Variants in ANGPT1 observed in about 807,000 individuals in gnomAD.
The protein encoded by ANGPT1 is angiopoietin 1.
ANGPT1 carries 17 observed loss-of-function variants against 62.2 expected under a neutral mutation model. The observed-to-expected ratio is 0.27, with a 90% CI of 0.19 to 0.41. The LOEUF is 0.41. Ranked by LOEUF, ANGPT1 falls within the 10% of genes least tolerant of loss-of-function variation. The pLI is 1.00. For missense variants in ANGPT1, 478 were observed against 594.9 expected, an observed-to-expected ratio of 0.80 and a Z score of 2.04; for synonymous variants, 199 against 198.9, an observed-to-expected ratio of 1.00 and a Z score of 0.00.
At chr8:107,299,164 G>A (rs901620265) in intron 5 of ANGPT1, among the ~76,000 whole-genome samples, 1 of 151,116 alleles carries the variant, frequency 6.6e-6, no homozygotes, top group Non-Finnish European at 1.5e-5. Flanking sequence ...GGGGCAACAG[G>A]TTCATATTTA....
intron 5 of ANGPT1, 25 bp from the exon 6 acceptor site, chr8:107,294,062 G>C (rs1316034786): frequency 6.4e-7 from 1 of 1,563,532 alleles, no homozygotes; most frequent in East Asian, 2.3e-5. Context: ...ACAAAGTCAA[G>C]TAAAAAATAC....
chr8:107,295,875 A>G (rs1814401808), intron 5 of ANGPT1, among the ~76,000 whole-genome samples: 1 of 152,052 alleles, frequency 6.6e-6, no homozygotes, highest in African/African-American at 2.4e-5. Context: ...TAATATAAAC[A>G]CCTTACATGC....
rs888459370 is a variant in ANGPT1 at position 107,250,798 on chromosome 8, T to C, written c.*1057A>G. ...TAGCAAAATTTAAATTAGCAAGACA[T>C]AACAGGGTGAGTATTGGAGTTCTAA... On this transcript the variant is annotated 3_prime_UTR_variant, in exon 9 of 9. Transcript: ENST00000517746. 6.6e-6 allele frequency: 1 copy of C among 152,074 alleles called. No individual in the cohort carries two copies. Among genetic ancestry groups the C allele is most frequent in the Non-Finnish European group, 1.5e-5 (1 of 67,970 alleles). 9.4% of individuals were successfully genotyped at this position (152,074 alleles called of 1,614,324 possible). A position where few individuals can be genotyped will look rare whatever the true frequency, so the allele number is the denominator to read the frequency against.
In ANGPT1 at chr8:107,464,750, T is replaced by C. The variant is rs1812158754; in HGVS notation, c.297+32512A>G. Reference sequence around the variant, plus strand: ...TAAGGATCAACTGAGTGAATACAAGTGAAGCTCATACATGGAACTTGGAGT... The same window carrying C: ...TAAGGATCAACTGAGTGAATACAAGCGAAGCTCATACATGGAACTTGGAGT... On this transcript the variant is annotated intron_variant, in intron 1 of 8. Transcript: ENST00000517746. Among the ~76,000 whole-genome samples the C allele has an allele frequency of 1.3e-5, 2 of 152,134 alleles. 1 individual carries two copies. The highest frequency in any genetic ancestry group is 2.9e-5 in the Non-Finnish European group (2 of 68,018).
Position 107,264,364 on chromosome 8 carries a change from A to C in ANGPT1, c.1206-13T>G. The C allele has an allele frequency of 1.2e-6, 2 of 1,609,890 alleles. No individual in the cohort carries two copies. Among genetic ancestry groups the C allele is most frequent in the South Asian group, 2.2e-5 (2 of 90,082 alleles). ...TTTTAAATACAACCTGAAGTCAAAAAGAAAAAAAAGAAAGATAAGCCATTC... is the reference window on the plus strand; with the variant it reads ...TTTTAAATACAACCTGAAGTCAAAACGAAAAAAAAGAAAGATAAGCCATTC... On this transcript the variant is annotated splice_polypyrimidine_tract_variant and intron_variant, in intron 7 of 8. Transcript: ENST00000517746.
intron 1 of ANGPT1, among the ~76,000 whole-genome samples, chr8:107,352,634 C>T (rs1815957347): frequency 6.6e-6 from 1 of 152,088 alleles, no homozygotes; most frequent in Non-Finnish European, 1.5e-5. Flanking sequence ...GTCTCTTAAA[C>T]CAGAGCATAT....
chr8:107,370,183 G>T (rs1478439072), intron 1 of ANGPT1, among the ~76,000 whole-genome samples: 1 of 94,942 alleles, frequency 1.1e-5, no homozygotes, highest in African/African-American at 3.7e-5. Flanking sequence ...AAAGAAGAAA[G>T]AAAGAAAGAA....
intron 1 of ANGPT1, among the ~76,000 whole-genome samples, chr8:107,384,478 G>A (rs1422924022): frequency 1.3e-5 from 2 of 151,922 alleles, no homozygotes; most frequent in Admixed American, 6.6e-5. Flanking sequence ...TGCTATATGA[G>A]AAGTTCTATG....
chr8:107,252,344 TA>T (rs1813265266), intron 8 of ANGPT1, among the ~76,000 whole-genome samples: 1 of 152,164 alleles, frequency 6.6e-6, no homozygotes, highest in Non-Finnish European at 1.5e-5. Context: ...GATTTACATT[TA>T]AGACAAATGC....
intron 1 of ANGPT1, among the ~76,000 whole-genome samples, chr8:107,381,711 A>G (rs1214767595): frequency 6.6e-6 from 1 of 152,242 alleles, no homozygotes; most frequent in Non-Finnish European, 1.5e-5. Context: ...AGCAAACTGG[A>G]ACAATTTTCC....
At chr8:107,408,594 C>T (rs1817197735) in intron 1 of ANGPT1, among the ~76,000 whole-genome samples, 1 of 152,150 alleles carries the variant, frequency 6.6e-6, no homozygotes, top group African/African-American at 2.4e-5. Flanking sequence ...TTGAGAAGTA[C>T]AACTTCAGCA....
intron 1 of ANGPT1, among the ~76,000 whole-genome samples, chr8:107,377,733 G>A (rs1316913656): frequency 6.6e-6 from 1 of 152,138 alleles, no homozygotes; most frequent in East Asian, 1.9e-4. Flanking sequence ...AGTAAGCAGT[G>A]TAGATAAAAT....
At chr8:107,316,897 T>G (rs983106461) in intron 4 of ANGPT1, among the ~76,000 whole-genome samples, 1 of 152,198 alleles carries the variant, frequency 6.6e-6, no homozygotes, top group Non-Finnish European at 1.5e-5. Context: ...TCCAGCTTTG[T>G]AACTTTGGGC....
intron 1 of ANGPT1, among the ~76,000 whole-genome samples, chr8:107,370,700 C>CAAAAAAAAAAA (rs71308729): frequency 9.3e-5 from 7 of 75,574 alleles, no homozygotes; most frequent in Non-Finnish European, 9.6e-5. Context: ...AAGACTCTGT[C>CAAAAAAAAAAA]AAAAAAAAAA....
intron 6 of ANGPT1, among the ~76,000 whole-genome samples, chr8:107,291,897 G>A (rs886747016): frequency 6.4e-4 from 93 of 145,960 alleles, no homozygotes; most frequent in African/African-American, 2.0e-3. Flanking sequence ...AAGATGGGGG[G>A]GGGGGGGGGC....
chr8:107,396,698 C>T (rs1283665), intron 1 of ANGPT1, among the ~76,000 whole-genome samples: 72,415 of 151,162 alleles, frequency 0.48, 19,069 homozygotes, highest in Middle Eastern at 0.6. Context: ...TTTTTCTGTA[C>T]GTTTTGTAAA....
At chr8:107,353,266 G>A (rs1043965592) in intron 1 of ANGPT1, among the ~76,000 whole-genome samples, 15 of 152,158 alleles carry the variant, frequency 9.9e-5, no homozygotes, top group Non-Finnish European at 1.2e-4. Flanking sequence ...TAGATGTGGT[G>A]ACTGAGGTTC....
intron 1 of ANGPT1, among the ~76,000 whole-genome samples, chr8:107,365,519 G>T (rs73702051): frequency 3.7e-4 from 56 of 152,196 alleles, no homozygotes; most frequent in African/African-American, 1.3e-3. Context: ...TAATGCATCT[G>T]CAACCACCAT....
intron 4 of ANGPT1, among the ~76,000 whole-genome samples, chr8:107,313,161 TAATA>T (rs1484052365): frequency 2.6e-5 from 4 of 152,290 alleles, no homozygotes; most frequent in South Asian, 2.1e-4. Context: ...TGCAAACATA[TAATA>T]AATACACAAG....
Sources: gnomAD v4.1 joint callset for allele counts (sites outside exome capture counted in the v4.1 genomes callset) on GRCh38, gnomAD v4.1.1 for gene constraint, MANE v1.5 for transcripts, NCBI Gene and HGNC (gene_info 2026-07-23, HGNC 2026-07-21) for gene names.